The following UMAD1 variants were observed in gnomAD, a reference collection of about 807,000 sequenced individuals.
The protein encoded by UMAD1 is UBAP1-MVB12-associated (UMA)-domain containing protein 1.
In UMAD1, 8 loss-of-function variants were observed where a neutral mutation model predicts 6.1. The ratio of observed to expected loss-of-function variants is 1.30; its 90% CI spans 0.76 to 2.35. The LOEUF is 2.35. Among genes scored for constraint, UMAD1 ranks in the 30% most tolerant of loss-of-function variants. The pLI is 0.00. For missense variants in UMAD1, 130 were observed against 78.4 expected, an observed-to-expected ratio of 1.66 and a Z score of -2.49; for synonymous variants, 56 against 31.4, an observed-to-expected ratio of 1.78 and a Z score of -2.61.
At chr7:7,764,667 T>A (rs1193560362) in intron 2 of UMAD1, among the ~76,000 whole-genome samples, 1 of 152,244 alleles carries the variant, frequency 6.6e-6, no homozygotes, top group East Asian at 1.9e-4. Context: ...GGAAGCAGTG[T>A]GTTTTAACAA....
intron 1 of UMAD1, among the ~76,000 whole-genome samples, chr7:7,662,946 A>C (rs1244376116): frequency 6.6e-6 from 1 of 152,220 alleles, no homozygotes; most frequent in Admixed American, 6.5e-5. Flanking sequence ...AAAGTTTTAG[A>C]TGTGAAATTA....
chr7:7,672,021 C>T (rs1323215599), intron 1 of UMAD1, among the ~76,000 whole-genome samples: 1 of 152,070 alleles, frequency 6.6e-6, no homozygotes, highest in East Asian at 1.9e-4. Context: ...GGTTCATATC[C>T]TTCTCTGATC....
intron 1 of UMAD1, among the ~76,000 whole-genome samples, chr7:7,659,744 G>C (rs548301324): frequency 1.2e-4 from 19 of 152,296 alleles, no homozygotes; most frequent in African/African-American, 4.1e-4. Flanking sequence ...TTTAGAATAA[G>C]TATGATGTGG....
chr7:7,696,383 T>C (rs1020857613), intron 2 of UMAD1, among the ~76,000 whole-genome samples: 1 of 152,006 alleles, frequency 6.6e-6, no homozygotes, highest in African/African-American at 2.4e-5. Context: ...TGTGAAATCA[T>C]ATTAGATCTT....
intron 2 of UMAD1, among the ~76,000 whole-genome samples, chr7:7,692,726 C>T (rs551547590): frequency 5.9e-5 from 9 of 152,286 alleles, no homozygotes; most frequent in South Asian, 2.1e-4. Flanking sequence ...TCTCCTGCCT[C>T]AGCCTCCCGA....
At chr7:7,816,709 C>CT (rs901421666) in intron 3 of UMAD1, among the ~76,000 whole-genome samples, 28 of 152,178 alleles carry the variant, frequency 1.8e-4, no homozygotes, top group African/African-American at 6.8e-4. Flanking sequence ...ACTTCTTCCT[C>CT]TTTCATTCTC....
chr7:7,771,210 C>T (rs1283030321), intron 2 of UMAD1, among the ~76,000 whole-genome samples: 1 of 151,546 alleles, frequency 6.6e-6, no homozygotes, highest in African/African-American at 2.4e-5. Flanking sequence ...TGTATATACC[C>T]AATAACTATG....
At chr7:7,673,628 T>C (rs1779666980) in intron 2 of UMAD1, among the ~76,000 whole-genome samples, 175 bp downstream of exon 2, 1 of 152,196 alleles carries the variant, frequency 6.6e-6, no homozygotes, top group African/African-American at 2.4e-5. Context: ...CTTGGAATAG[T>C]GTCATCAAGT....
At chr7:7,750,154 C>G (rs1315752134) in intron 2 of UMAD1, among the ~76,000 whole-genome samples, 1 of 152,130 alleles carries the variant, frequency 6.6e-6, no homozygotes, top group African/African-American at 2.4e-5. Context: ...CATATTAGCT[C>G]TTTATATATG....
intron 3 of UMAD1, among the ~76,000 whole-genome samples, chr7:7,836,304 T>C (rs17494879): frequency 0.095 from 14,379 of 152,044 alleles, 766 homozygotes; most frequent in Non-Finnish European, 0.12. Context: ...CTATGGTCTT[T>C]ACAAAGGAAC....
At position 7,675,759 on chromosome 7, in the gene UMAD1, C is replaced by CA. The variant is rs111409747; in HGVS notation, c.82+2307dup. Reference sequence around the variant, plus strand: ...CAGTTGAACAGTCATGGTGAGGAATCACTTCCGTCGTAGTTCCAGGATAGC... The same window carrying CA: ...CAGTTGAACAGTCATGGTGAGGAATCAACTTCCGTCGTAGTTCCAGGATAGC... On this transcript the variant is annotated intron_variant, in intron 2 of 3. Transcript: ENST00000682710. Among the ~76,000 whole-genome samples the CA allele has an allele frequency of 5.1e-3, 780 of 152,288 alleles. 6 individuals are homozygous for CA. Among genetic ancestry groups the CA allele is most frequent in the African/African-American group, 0.018 (747 of 41,558 alleles).
At chr7:7,836,755 AAG>A (rs1303548342) in intron 3 of UMAD1, among the ~76,000 whole-genome samples, 4 of 151,994 alleles carry the variant, frequency 2.6e-5, no homozygotes, top group Admixed American at 2.0e-4. Context: ...GACATAAGCA[AAG>A]AGAGATTTTA....
intron 2 of UMAD1, chr7:7,741,135 ACTT>A (rs1781454782): frequency 6.6e-6 from 1 of 152,128 alleles, no homozygotes; most frequent in South Asian, 2.1e-4. Context: ...AGTTACATAA[ACTT>A]CTTCAGGTTA....
intron 2 of UMAD1, among the ~76,000 whole-genome samples, chr7:7,729,784 C>G (rs1334214390): frequency 6.6e-6 from 1 of 152,182 alleles, no homozygotes; most frequent in Non-Finnish European, 1.5e-5. Flanking sequence ...TGTGGTCTTG[C>G]TCCAGATTAT....
chr7:7,813,617 G>A (rs74667919), intron 3 of UMAD1, among the ~76,000 whole-genome samples: 24,341 of 152,006 alleles, frequency 0.16, 2,191 homozygotes, highest in African/African-American at 0.22. Flanking sequence ...AAAAGCATAT[G>A]AAAACTTTCT....
At chr7:7,790,100 GCT>G (rs140493746) in intron 2 of UMAD1, among the ~76,000 whole-genome samples, 8,808 of 152,168 alleles carry the variant, frequency 0.058, 893 homozygotes, top group African/African-American at 0.2. Flanking sequence ...ATTGTTTAAG[GCT>G]CTCTGTCTGC....
At chr7:7,738,213 T>G (rs904366558) in intron 2 of UMAD1, among the ~76,000 whole-genome samples, 4 of 152,200 alleles carry the variant, frequency 2.6e-5, no homozygotes, top group African/African-American at 7.2e-5. Context: ...TTGGAAGAAT[T>G]TAGTATATTT....
intron 3 of UMAD1, among the ~76,000 whole-genome samples, chr7:7,855,665 C>G (rs992456590): frequency 6.6e-6 from 1 of 152,244 alleles, no homozygotes; most frequent in Non-Finnish European, 1.5e-5. Context: ...GCGAAGCTCT[C>G]TGACATGCCC....
chr7:7,789,373 C>G (rs1448198744), intron 2 of UMAD1, among the ~76,000 whole-genome samples: 1 of 146,024 alleles, frequency 6.8e-6, no homozygotes, highest in African/African-American at 2.8e-5. Context: ...ATTATAACAT[C>G]TGTATGAAAA....
Sources: allele counts gnomAD v4.1 joint callset (sites outside exome capture counted in the v4.1 genomes callset), GRCh38; gene constraint gnomAD v4.1.1; transcripts MANE v1.5; gene names NCBI Gene and HGNC (gene_info 2026-07-23, HGNC 2026-07-21).